LOXHD1: variants seen among roughly 807,000 people sequenced by gnomAD.
The protein encoded by LOXHD1 is lipoxygenase homology domain-containing protein 1.
LOXHD1 carries 205 observed loss-of-function variants against 248.2 expected under a neutral mutation model. The observed-to-expected ratio is 0.83, with a 90% CI of 0.74 to 0.93. The LOEUF is 0.93. Among genes scored for constraint, LOXHD1 ranks in the 40% least tolerant of loss-of-function variants. The pLI, the probability that LOXHD1 is intolerant of heterozygous loss-of-function variation, is 0.00. For missense variants in LOXHD1, 2,930 were observed against 2,971.6 expected (o/e 0.99, Z 0.33); for synonymous variants, 1,113 against 1,162.8 (o/e 0.96, Z 0.87).
chr18:46,587,755 T>C (rs886560457), intron 12 of LOXHD1, among the ~76,000 whole-genome samples: 3 of 152,228 alleles, frequency 2.0e-5, no homozygotes, highest in Non-Finnish European at 4.4e-5. Flanking sequence ...TAATCACTTC[T>C]CTTGGAAGTA....
rs2143556052 is a variant in LOXHD1 at position 46,485,060 on chromosome 18, C to T, written c.6141G>A (p.Glu2047=). Residue 2047 remains glutamate (E), a synonymous_variant, in exon 39 of 41, where the codon GAG becomes GAA. Transcript: ENST00000642948. The part of the protein sequence containing the change: ...ILEGRKNRSK[E]FLMENSSRQR... ...GCCTAGAAGAATTTTCCATGAGAAA[C>T]TCTTTGGATCGGTTCTTCCTGCCCT... 1.3e-6 allele frequency: 2 copies of T among 1,550,992 alleles called. No homozygotes were observed. Among genetic ancestry groups the T allele is most frequent in the South Asian group, 1.2e-5 (1 of 83,970 alleles).
chr18:46,481,220 C>T (rs1419142227), intron 40 of LOXHD1, among the ~76,000 whole-genome samples: 1 of 152,200 alleles, frequency 6.6e-6, no homozygotes, highest in African/African-American at 2.4e-5. Context: ...TAGAATGAGG[C>T]CATGTGAATT....
chr18:46,527,161 G>A (rs1026639188), intron 29 of LOXHD1, among the ~76,000 whole-genome samples: 6 of 150,638 alleles, frequency 4.0e-5, no homozygotes, highest in African/African-American at 1.5e-4. Context: ...GAATCTGAAC[G>A]CAGAGGGGAA....
At chr18:46,543,291 T>C (rs2144377293) in intron 23 of LOXHD1, among the ~76,000 whole-genome samples, 1 of 152,344 alleles carries the variant, frequency 6.6e-6, no homozygotes, top group East Asian at 1.9e-4. Context: ...ATTCCTGAGT[T>C]ACTTCACTTA....
intron 6 of LOXHD1, among the ~76,000 whole-genome samples, chr18:46,606,996 C>A (rs532302395): frequency 3.0e-4 from 45 of 151,694 alleles, no homozygotes; most frequent in African/African-American, 1.1e-3. Flanking sequence ...TGAAACCCTG[C>A]CTCTACTAAA....
Position 46,576,560 on chromosome 18 carries a change from C to G in LOXHD1, c.1970+1147G>C, listed in dbSNP as rs961346696. ...CTCCCTTCCAGGCCCAGGTGCACTTCCATCTCTTCCTGGAAGCCTGCCTGG... is the reference window on the plus strand; with the variant it reads ...CTCCCTTCCAGGCCCAGGTGCACTTGCATCTCTTCCTGGAAGCCTGCCTGG... On this transcript the variant is annotated intron_variant, in intron 14 of 40. Coordinates refer to ENST00000642948, the MANE Select transcript of LOXHD1 (RefSeq NM_001384474.1). Among the ~76,000 whole-genome samples the G allele has an allele frequency of 3.9e-5, 6 of 152,206 alleles. No homozygotes were observed. In the East Asian group the frequency reaches 1.2e-3, roughly 29 times the overall value.
chr18:46,551,613 C>G (rs143642960), intron 21 of LOXHD1, among the ~76,000 whole-genome samples: 1 of 152,192 alleles, frequency 6.6e-6, no homozygotes, highest in East Asian at 1.9e-4. Context: ...TGTAAACTGT[C>G]ATTTTTTTTC....
intron 21 of LOXHD1, among the ~76,000 whole-genome samples, chr18:46,547,823 T>C (rs2036914952): frequency 6.6e-6 from 1 of 152,232 alleles, no homozygotes; most frequent in African/African-American, 2.4e-5. Context: ...TAAATTTGGA[T>C]TTTAGATAAA....
At chr18:46,575,847 G>A (rs899790492) in intron 14 of LOXHD1, among the ~76,000 whole-genome samples, 1 of 152,006 alleles carries the variant, frequency 6.6e-6, no homozygotes, top group Non-Finnish European at 1.5e-5. Context: ...CTCCTCCCTG[G>A]GCCCTGTCCT....
In LOXHD1 at chr18:46,587,213, G is replaced by A. The variant is rs149356471; in HGVS notation, c.1654+4720C>T. Among the ~76,000 whole-genome samples, 791 of 152,294 alleles carry A rather than the reference G, an allele frequency of 5.2e-3. 7 individuals carry two copies. The highest frequency in any genetic ancestry group is 0.018 in the African/African-American group (749 of 41,556). ...TTCAGCCTTTGTATAAATGAAGTTG[G>A]TTCTTTTGTGTGAAGCTCTGAATGG... On this transcript the variant is annotated intron_variant, in intron 12 of 40. Transcript: ENST00000642948.
rs1037854881 is a variant in LOXHD1, at chr18:46,635,604, G to A, written c.511+4012C>T. On this transcript the variant is annotated intron_variant, in intron 4 of 40. Coordinates refer to ENST00000642948, the MANE Select transcript of LOXHD1 (RefSeq NM_001384474.1). ...GGTATTGTTTACCAGGGTACAGTCT[G>A]CATACCACTGGTGGGACATAAGATG... Among the ~76,000 whole-genome samples the A allele has an allele frequency of 3.3e-5, 5 of 152,248 alleles. No homozygotes were observed. The East Asian group carries it at 9.6e-4, about 29-fold the overall frequency.
chr18:46,604,711 C>T (rs1199911759), intron 6 of LOXHD1, among the ~76,000 whole-genome samples: 1 of 152,184 alleles, frequency 6.6e-6, no homozygotes, highest in Non-Finnish European at 1.5e-5. Flanking sequence ...CAGAAAACAT[C>T]AGCCACCAAC....
chr18:46,570,298 C>T (rs2037727562), intron 15 of LOXHD1, among the ~76,000 whole-genome samples: 1 of 152,180 alleles, frequency 6.6e-6, no homozygotes, highest in African/African-American at 2.4e-5. Context: ...AAGGTGAGTC[C>T]TGGAATAATA....
rs1044276437 is a variant in LOXHD1, at chr18:46,538,335, C to T, written c.3916G>A (p.Val1306Ile). 2 of 1,545,742 alleles carry T rather than the reference C, an allele frequency of 1.3e-6. No individual in the cohort carries two copies. Among genetic ancestry groups the T allele is most frequent in the Non-Finnish European group, 8.8e-7 (1 of 1,141,988 alleles). The change falls in exon 26 of 41, where the codon GTT (valine) becomes ATT (isoleucine). Residue 1306 changes from valine to isoleucine, a missense_variant and splice_region_variant. Coordinates refer to ENST00000642948, the MANE Select transcript of LOXHD1 (RefSeq NM_001384474.1). ...GTGTAGAGGGTGATCTCGTAAGGAACAACTGAGGGTGGTGGTCAGAGGGCA... is the reference window on the plus strand; with the variant it reads ...GTGTAGAGGGTGATCTCGTAAGGAATAACTGAGGGTGGTGGTCAGAGGGCA... ...ELQTRLYTPF[V>I]PYEITLYTSD...
intron 34 of LOXHD1, among the ~76,000 whole-genome samples, chr18:46,511,303 C>T (rs1025614370): frequency 4.6e-5 from 7 of 152,318 alleles, no homozygotes; most frequent in Non-Finnish European, 1.0e-4. Flanking sequence ...GTGCCCCAGA[C>T]CCCCTCCAGA....
At chr18:46,646,332 A>T (rs1244629938) in intron 2 of LOXHD1, among the ~76,000 whole-genome samples, 1 of 152,182 alleles carries the variant, frequency 6.6e-6, no homozygotes, top group Non-Finnish European at 1.5e-5. Flanking sequence ...TCTGGGTTGC[A>T]TGGGCAGCCT....
At chr18:46,640,379 G>C (rs958270836) in intron 3 of LOXHD1, among the ~76,000 whole-genome samples, 1 of 152,146 alleles carries the variant, frequency 6.6e-6, no homozygotes, top group Non-Finnish European at 1.5e-5. Flanking sequence ...CATGACTCCT[G>C]GACCTGGACA....
chr18:46,527,135 G>GA (rs201869533), intron 29 of LOXHD1, among the ~76,000 whole-genome samples: 3,831 of 134,682 alleles, frequency 0.028, 128 homozygotes, highest in African/African-American at 0.088. Flanking sequence ...TGAGAGAGAG[G>GA]AAAAAAAAAA....
At chr18:46,554,657 AGAG>A (rs2037245802) in intron 21 of LOXHD1, among the ~76,000 whole-genome samples, 1 of 151,624 alleles carries the variant, frequency 6.6e-6, no homozygotes, top group African/African-American at 2.4e-5. Flanking sequence ...TGGGGAGGGA[AGAG>A]GAGATGAGGG....
Sources: gnomAD v4.1 joint callset for allele counts (sites outside exome capture counted in the v4.1 genomes callset) on GRCh38, gnomAD v4.1.1 for gene constraint, MANE v1.5 for transcripts, NCBI Gene and HGNC (gene_info 2026-07-23, HGNC 2026-07-21) for gene names.